The following RNF217 variants were observed in gnomAD, a reference collection of about 807,000 sequenced individuals.
RNF217 encodes ring finger protein 217, also known as E3 ubiquitin-protein ligase RNF217.
In RNF217, 31 loss-of-function variants were observed where a neutral mutation model predicts 57.8. The observed-to-expected ratio is 0.54, with a 90% CI of 0.40 to 0.72. RNF217 has a LOEUF of 0.72. Ranked by LOEUF, RNF217 falls within the 30% of genes least tolerant of loss-of-function variation. The pLI, the probability that RNF217 is intolerant of heterozygous loss-of-function variation, is 0.00. For synonymous variants in RNF217, 313 were observed against 294.0 expected (o/e 1.06, Z -0.66); for missense variants, 696 against 708.3 (o/e 0.98, Z 0.20).
chr6:124,985,973 G>A (rs192299177), intron 1 of RNF217, among the ~76,000 whole-genome samples: 12 of 152,238 alleles, frequency 7.9e-5, no homozygotes, highest in African/African-American at 2.6e-4. Context: ...AAATTCATGT[G>A]TTGAAACTCA....
At chr6:125,063,352 A>AAC (rs1426842526) in intron 3 of RNF217, among the ~76,000 whole-genome samples, 3 of 152,200 alleles carry the variant, frequency 2.0e-5, no homozygotes, top group African/African-American at 7.2e-5. Context: ...TTCTAAGGTC[A>AAC]ACATATTCAT....
intron 1 of RNF217, among the ~76,000 whole-genome samples, chr6:124,964,169 C>A (rs1022334223): frequency 6.6e-6 from 1 of 152,178 alleles, no homozygotes; most frequent in Non-Finnish European, 1.5e-5. Context: ...CCTTCACTGA[C>A]GGTGAATGCG....
At chr6:125,019,063 A>T (rs1287177074) in intron 1 of RNF217, among the ~76,000 whole-genome samples, 2 of 152,280 alleles carry the variant, frequency 1.3e-5, no homozygotes, top group South Asian at 4.1e-4. Flanking sequence ...TTGATCTCCC[A>T]GTAAAAAAGC....
chr6:125,010,606 G>A (rs1353644756), intron 1 of RNF217, among the ~76,000 whole-genome samples: 2 of 152,104 alleles, frequency 1.3e-5, no homozygotes, highest in Non-Finnish European at 2.9e-5. Flanking sequence ...TTTATTTTAT[G>A]CAATAAAAAT....
intron 1 of RNF217, among the ~76,000 whole-genome samples, chr6:124,972,149 T>C (rs1174422068): frequency 6.6e-6 from 1 of 152,224 alleles, no homozygotes; most frequent in East Asian, 1.9e-4. Context: ...ATTCCCTGTT[T>C]CCATTCATTG....
intron 1 of RNF217, among the ~76,000 whole-genome samples, chr6:124,977,281 T>C (rs1410984286): frequency 1.3e-5 from 2 of 152,202 alleles, no homozygotes; most frequent in Non-Finnish European, 2.9e-5. Context: ...CCAAAGTAAG[T>C]ATAATGATTT....
intron 5 of RNF217, among the ~76,000 whole-genome samples, chr6:125,081,996 C>T (rs1208640300): frequency 1.3e-5 from 2 of 152,008 alleles, no homozygotes; most frequent in Admixed American, 1.3e-4. Context: ...CAGTGATTTG[C>T]ATAGTTTTAT....
intron 2 of RNF217, among the ~76,000 whole-genome samples, chr6:125,052,906 G>A (rs944029426): frequency 6.6e-6 from 1 of 152,054 alleles, no homozygotes; most frequent in African/African-American, 2.4e-5. Flanking sequence ...TATTTTGGGG[G>A]ACATGCCAGG....
chr6:125,074,051 T>C (rs1013595940), intron 3 of RNF217, among the ~76,000 whole-genome samples: 1 of 152,138 alleles, frequency 6.6e-6, no homozygotes, highest in Non-Finnish European at 1.5e-5. Flanking sequence ...GGCAGAAGCT[T>C]ACCTGCCAAG....
Position 125,065,541 on chromosome 6 carries a change from G to A in RNF217, c.1281+7435G>A, listed in dbSNP as rs537656471. On this transcript the variant is annotated intron_variant, in intron 3 of 5. Coordinates refer to ENST00000521654, the MANE Select transcript of RNF217 (RefSeq NM_001286398.3). ...TCCAGCAACAACTAAATTCTGAAGC[G>A]TCTCCTGGGGCATGAGAGCACCTGT... Among the ~76,000 whole-genome samples the A allele has an allele frequency of 1.2e-3, 177 of 152,198 alleles. 1 individual carries two copies. Among genetic ancestry groups the A allele is most frequent in the African/African-American group, 3.9e-3 (163 of 41,526 alleles).
At chr6:125,042,520 AAG>A (rs1286671630) in intron 1 of RNF217, among the ~76,000 whole-genome samples, 3 of 152,114 alleles carry the variant, frequency 2.0e-5, no homozygotes, top group Non-Finnish European at 4.4e-5. Flanking sequence ...AGCCTTGAGA[AAG>A]AAGGGAAGGT....
chr6:125,019,869 T>G (rs1785764775), intron 1 of RNF217, among the ~76,000 whole-genome samples: 3 of 152,012 alleles, frequency 2.0e-5, no homozygotes, highest in East Asian at 1.9e-4. Context: ...TTAAAATAAT[T>G]TATATTAAAA....
chr6:124,974,066 C>T (rs140977351), intron 1 of RNF217, among the ~76,000 whole-genome samples: 9 of 152,260 alleles, frequency 5.9e-5, no homozygotes, highest in Middle Eastern at 3.4e-3. Flanking sequence ...TGGCCTCCCC[C>T]GGAGCCAGCA....
At position 125,090,493 on chromosome 6, in the gene RNF217, G is replaced by GA. The variant is rs1788905019; in HGVS notation, c.*7563dup. On this transcript the variant is annotated 3_prime_UTR_variant, in exon 6 of 6. Coordinates refer to ENST00000521654, the MANE Select transcript of RNF217 (RefSeq NM_001286398.3). ...CCCAAATAGAGTAAAATATTAAAGA[G>GA]AAAAAAATTCGAGTGTTTATCTGTT... is the stretch of plus-strand genomic sequence containing the variant. 6.6e-6 allele frequency: 1 copy of GA among 151,610 alleles called. No homozygotes were observed. The highest frequency in any genetic ancestry group is 6.6e-5 in the Admixed American group (1 of 15,218). The allele number at this position is 151,610 out of a possible 1,614,324, so 9.4% of individuals were successfully genotyped here. A position where few individuals can be genotyped will look rare whatever the true frequency, so the allele number is the denominator to read the frequency against.
intron 1 of RNF217, among the ~76,000 whole-genome samples, chr6:125,019,538 CCT>C (rs775161484): frequency 3.3e-5 from 5 of 152,074 alleles, no homozygotes; most frequent in Non-Finnish European, 5.9e-5. Flanking sequence ...TAAATTTTCC[CCT>C]TTTTATTTTT....
chr6:125,070,692 T>G (rs1243212363), intron 3 of RNF217, among the ~76,000 whole-genome samples: 1 of 152,240 alleles, frequency 6.6e-6, no homozygotes, highest in Non-Finnish European at 1.5e-5. Context: ...TTTATGGGAT[T>G]TGTTTGAGTT....
At chr6:125,039,526 T>A (rs1161739120) in intron 1 of RNF217, among the ~76,000 whole-genome samples, 2 of 152,098 alleles carry the variant, frequency 1.3e-5, no homozygotes, top group African/African-American at 4.8e-5. Flanking sequence ...ACATTTTCAA[T>A]ATTAGACAGA....
chr6:125,081,011 G>A (rs1341064535), intron 4 of RNF217, among the ~76,000 whole-genome samples: 3 of 152,014 alleles, frequency 2.0e-5, no homozygotes, highest in Non-Finnish European at 4.4e-5. Flanking sequence ...GCCCTCTGTA[G>A]GACCTACCAG....
intron 1 of RNF217, chr6:125,008,708 G>T (rs1479621551): frequency 6.9e-6 from 1 of 145,230 alleles, no homozygotes; most frequent in African/African-American, 2.5e-5. Flanking sequence ...GCCCCAGCTT[G>T]TATCTATCTG....
Sources: allele counts gnomAD v4.1 joint callset (sites outside exome capture counted in the v4.1 genomes callset), GRCh38; gene constraint gnomAD v4.1.1; transcripts MANE v1.5; gene names NCBI Gene and HGNC (gene_info 2026-07-23, HGNC 2026-07-21).